CCDC171: variants seen among roughly 807,000 people sequenced by gnomAD.
CCDC171 encodes coiled-coil domain-containing protein 171.
A neutral mutation model predicts 168.2 loss-of-function variants in CCDC171; 177 were observed. That is an observed-to-expected ratio of 1.05 (90% CI 0.93 to 1.19). The LOEUF is 1.19. Ranked by LOEUF, CCDC171 falls within the 50% of genes most tolerant of loss-of-function variation. The pLI is 0.00. For synonymous variants in CCDC171, 687 were observed against 540.8 expected (o/e 1.27, Z -3.75); for missense variants, 1,991 against 1,539.0 (o/e 1.29, Z -4.91).
At chr9:15,645,166 C>G (rs1334244003) in intron 7 of CCDC171, among the ~76,000 whole-genome samples, 3 of 152,200 alleles carry the variant, frequency 2.0e-5, no homozygotes, top group African/African-American at 7.2e-5. Context: ...CTCCAACAGA[C>G]CTGCAGCTGA....
chr9:15,989,138 G>A (rs1271079153), intron 3 of CCDC171, among the ~76,000 whole-genome samples: 1 of 152,144 alleles, frequency 6.6e-6, no homozygotes, highest in Non-Finnish European at 1.5e-5. Flanking sequence ...TCCTCAAGTG[G>A]GTCGCTGACC....
At chr9:15,890,350 T>G (rs1820039551) in intron 24 of CCDC171, among the ~76,000 whole-genome samples, 1 of 152,182 alleles carries the variant, frequency 6.6e-6, no homozygotes, top group Admixed American at 6.5e-5. Flanking sequence ...AGGTAGCATT[T>G]GAGTGGACCT....
At chr9:15,962,537 T>C (rs916373511) in intron 25 of CCDC171, among the ~76,000 whole-genome samples, 3 of 152,158 alleles carry the variant, frequency 2.0e-5, no homozygotes, top group Admixed American at 2.0e-4. Flanking sequence ...CACTAACCTT[T>C]AGCATAATTT....
intron 25 of CCDC171, among the ~76,000 whole-genome samples, chr9:15,923,611 C>T (rs915587754): frequency 9.3e-5 from 14 of 151,056 alleles, no homozygotes; most frequent in East Asian, 1.9e-4. Flanking sequence ...TTAATAAAGA[C>T]GTATTCTTGA....
intron 10 of CCDC171, among the ~76,000 whole-genome samples, chr9:15,692,613 C>T (rs1449824606): frequency 1.5e-4 from 23 of 150,822 alleles, no homozygotes; most frequent in Admixed American, 1.3e-3. Context: ...CTGCAAGCTC[C>T]GCCCCCTGGG....
intron 6 of CCDC171, among the ~76,000 whole-genome samples, chr9:16,033,344 T>TA (rs1343671553): frequency 6.6e-6 from 1 of 152,208 alleles, no homozygotes; most frequent in Non-Finnish European, 1.5e-5. Flanking sequence ...CATCTGTACT[T>TA]ACAGCCACTC....
intron 6 of CCDC171, among the ~76,000 whole-genome samples, chr9:16,025,812 C>A (rs776563335): frequency 5.9e-5 from 9 of 152,100 alleles, no homozygotes; most frequent in Non-Finnish European, 1.2e-4. Flanking sequence ...GGAATGACTG[C>A]CAATGGGTGT....
rs541358399 is a variant in CCDC171 at position 15,617,350 on chromosome 9, T to A, written c.676-5917T>A. On this transcript the variant is annotated intron_variant, in intron 6 of 25. Transcript: ENST00000380701. The stretch of plus-strand genomic sequence containing the variant: ...ATCTACCTTTGATCTTTGAGGCTGA[T>A]GACCTTTGGATGGGCTTTTTGTGGG... Among the ~76,000 whole-genome samples, 7 of 151,932 alleles carry A rather than the reference T, an allele frequency of 4.6e-5. No homozygotes were observed. In the South Asian group the frequency reaches 1.2e-3, roughly 27 times the overall value.
chr9:16,095,479 C>T, the CCDC171 span, among the ~76,000 whole-genome samples: 2 of 152,002 alleles, frequency 1.3e-5, no homozygotes, highest in African/African-American at 2.4e-5. Context: ...CCCACTCTTT[C>T]GTTTTCTCTA....
chr9:15,608,071 G>T (rs1056467009), intron 6 of CCDC171, among the ~76,000 whole-genome samples: 2 of 152,178 alleles, frequency 1.3e-5, no homozygotes, highest in Non-Finnish European at 2.9e-5. Context: ...GGTGGGCTGA[G>T]TGTGCCAGCT....
At chr9:15,694,903 A>G (rs548913549) in intron 10 of CCDC171, among the ~76,000 whole-genome samples, 14 of 152,366 alleles carry the variant, frequency 9.2e-5, no homozygotes, top group African/African-American at 3.1e-4. Flanking sequence ...TAAGTGTTCC[A>G]TAATTCCTCT....
the CCDC171 span, among the ~76,000 whole-genome samples, chr9:16,088,889 G>T: frequency 6.6e-6 from 1 of 152,040 alleles, no homozygotes; most frequent in Non-Finnish European, 1.5e-5. Context: ...TCAAAACAGA[G>T]CCCGTATAGC....
intron 18 of CCDC171, among the ~76,000 whole-genome samples, chr9:15,753,302 G>A (rs1212296410): frequency 1.3e-5 from 2 of 152,148 alleles, no homozygotes. Context: ...GCATTCAGAT[G>A]AAGGGCATGG....
In CCDC171 at chr9:16,048,960, A is replaced by AC. The variant is rs1403427155; in HGVS notation, n.89+6074_89+6075insC. Among the ~76,000 whole-genome samples the AC allele has an allele frequency of 6.6e-5, 10 of 151,820 alleles. No individual in the cohort carries two copies. In the South Asian group the frequency reaches 2.1e-3, roughly 32 times the overall value. ...ATAATATAGAAAGACAAAAAAAAAA[A>AC]AAACCCAAACACCATAATCCCAAAT... On this transcript the variant is annotated intron_variant and non_coding_transcript_variant, in intron 1 of 1. Transcript: ENST00000478913.
At chr9:16,033,329 C>T (rs887133680) in intron 6 of CCDC171, among the ~76,000 whole-genome samples, 1 of 152,168 alleles carries the variant, frequency 6.6e-6, no homozygotes, top group Admixed American at 6.5e-5. Flanking sequence ...GAGTGATGGA[C>T]GCTTCATCTG....
intron 7 of CCDC171, among the ~76,000 whole-genome samples, chr9:15,630,774 A>G (rs1378239460): frequency 2.0e-5 from 3 of 152,246 alleles, no homozygotes; most frequent in Admixed American, 6.5e-5. Context: ...GTTGGAAGTA[A>G]AGCTCTCCTC....
At chr9:15,637,449 T>A (rs9886779) in intron 7 of CCDC171, among the ~76,000 whole-genome samples, 60,755 of 151,692 alleles carry the variant, frequency 0.4, 13,919 homozygotes, top group East Asian at 0.76. Context: ...TTTTACTTTT[T>A]AAAATTTTTT....
intron 2 of CCDC171, among the ~76,000 whole-genome samples, chr9:15,569,156 G>A (rs111869014): frequency 2.6e-5 from 4 of 152,088 alleles, no homozygotes; most frequent in African/African-American, 7.2e-5. Context: ...AGGCCTTTTC[G>A]GTTTGAAACT....
At chr9:15,638,262 G>A (rs913939266) in intron 7 of CCDC171, among the ~76,000 whole-genome samples, 1 of 151,942 alleles carries the variant, frequency 6.6e-6, no homozygotes, top group African/African-American at 2.4e-5. Flanking sequence ...TAAAAGCTTT[G>A]CTTTATATTA....
Sources: gnomAD v4.1 joint callset for allele counts (sites outside exome capture counted in the v4.1 genomes callset) on GRCh38, gnomAD v4.1.1 for gene constraint, MANE v1.5 for transcripts, NCBI Gene and HGNC (gene_info 2026-07-23, HGNC 2026-07-21) for gene names.